The following LRRC28 variants were observed in gnomAD, a reference collection of about 807,000 sequenced individuals.
LRRC28 encodes leucine rich repeat containing 28.
LRRC28 carries 39 observed loss-of-function variants against 45.7 expected under a neutral mutation model. That is an observed-to-expected ratio of 0.85 (90% confidence interval 0.66 to 1.12). The LOEUF (loss-of-function observed/expected upper bound fraction) is 1.12, where lower values mean the gene tolerates loss of function less well. LRRC28 is among the 50% of genes most tolerant of loss of function. The pLI is 0.00. For missense variants in LRRC28, 435 were observed against 438.5 expected (o/e 0.99, Z 0.07); for synonymous variants, 206 against 178.8 (o/e 1.15, Z -1.22).
intron 6 of LRRC28, among the ~76,000 whole-genome samples, chr15:99,334,572 C>T (rs1485867102): frequency 3.3e-5 from 5 of 152,212 alleles, no homozygotes; most frequent in African/African-American, 1.2e-4. Context: ...GATTATAAAA[C>T]TTTAAAGACC....
chr15:99,319,951 C>T lies in LRRC28; in HGVS notation c.386-13972C>T, dbSNP rs1368545328. On this transcript the variant is annotated intron_variant, in intron 5 of 9. Coordinates refer to ENST00000301981, the MANE Select transcript of LRRC28 (RefSeq NM_144598.5). ...CCAAGTAGCTGGGACTACAGGTGGC[C>T]GCCACCACGCCCAGCTAATTTTTTT... Among the ~76,000 whole-genome samples, 16 of 151,874 alleles carry T rather than the reference C, an allele frequency of 1.1e-4. No individual in the cohort carries two copies. In the South Asian group the frequency reaches 1.2e-3, roughly 12 times the overall value.
At position 99,259,703 on chromosome 15, in the gene LRRC28, A is replaced by G. The variant is rs575591378; in HGVS notation, c.168+3578A>G. On this transcript the variant is annotated intron_variant, in intron 2 of 9. Transcript: ENST00000301981. ...TCCCAGACATCCGCTGATCAGAGAC[A>G]TGCTTCGACGAATTAAGGAAGATGA... 9.0e-5 allele frequency: 127 copies of G among 1,404,764 alleles called. 1 individual carries two copies. The South Asian group carries it at 1.2e-3, about 14-fold the overall frequency. 87.0% of individuals were successfully genotyped at this position (1,404,764 alleles called of 1,614,324 possible).
At position 99,271,353 on chromosome 15, in the gene LRRC28, A is replaced by G. The variant is rs548661174; in HGVS notation, c.169-5223A>G. ...GAGTGCAGTGGCACCATCTTGGCTC[A>G]CTGCAACCTCTGCCTCCTGGGTTCA... On this transcript the variant is annotated intron_variant, in intron 2 of 9. Coordinates refer to ENST00000301981, the MANE Select transcript of LRRC28 (RefSeq NM_144598.5). Among the ~76,000 whole-genome samples, 9 of 151,014 alleles carry G rather than the reference A, an allele frequency of 6.0e-5. No individual in the cohort carries two copies. In the South Asian group the frequency reaches 1.9e-3, roughly 32 times the overall value.
intron 9 of LRRC28, among the ~76,000 whole-genome samples, chr15:99,373,242 G>C (rs539439043): frequency 5.9e-5 from 9 of 152,072 alleles, no homozygotes; most frequent in African/African-American, 1.7e-4. Flanking sequence ...TTTCATCAGC[G>C]AATCCCCCAA....
chr15:99,364,752 G>T (rs2152328716), intron 9 of LRRC28, among the ~76,000 whole-genome samples: 1 of 152,312 alleles, frequency 6.6e-6, no homozygotes, highest in East Asian at 1.9e-4. Context: ...TAGGGTCATT[G>T]TGAGAATTAA....
rs576494967 is a variant in LRRC28 at position 99,296,990 on chromosome 15, T to C, written c.385+9039T>C. On this transcript the variant is annotated intron_variant, in intron 5 of 9. Transcript: ENST00000301981. ...AATCTAACAATCTGCCTCAGCTTGC[T>C]AGATGACCACTGAATAAATTATCTG... 1.6e-4 allele frequency among the ~76,000 whole-genome samples: 24 copies of C among 152,186 alleles called. 2 individuals are homozygous for C. The South Asian group carries it at 5.0e-3, about 32-fold the overall frequency.
chr15:99,370,667 T>A (rs912428807), intron 9 of LRRC28, among the ~76,000 whole-genome samples: 1 of 152,196 alleles, frequency 6.6e-6, no homozygotes, highest in African/African-American at 2.4e-5. Flanking sequence ...AAGGAAAGAT[T>A]GTTATGGCAA....
intron 6 of LRRC28, among the ~76,000 whole-genome samples, chr15:99,345,466 T>C (rs1177287781): frequency 2.0e-5 from 3 of 152,202 alleles, no homozygotes. Context: ...CTTTCATATA[T>C]GTTCTTTGGA....
chr15:99,360,602 T>C lies in LRRC28; in HGVS notation c.696-734T>C, dbSNP rs545266218. On this transcript the variant is annotated intron_variant, in intron 7 of 9. Transcript: ENST00000301981. The stretch of plus-strand genomic sequence containing the variant: ...TTGTATCTGGTCAAGGTTAGTGATA[T>C]TATTTCATGTTGTCTTCAGAGCCAA... Among the ~76,000 whole-genome samples, 4 of 152,356 alleles carry C rather than the reference T, an allele frequency of 2.6e-5. No homozygotes were observed. The East Asian group carries it at 5.8e-4, about 22-fold the overall frequency.
At position 99,386,817 on chromosome 15, in the gene LRRC28, G is replaced by T. The variant is rs1341563385; in HGVS notation, c.*715G>T. The stretch of plus-strand genomic sequence containing the variant: ...AAGTGTTTGCAGAAAAATGATTTTT[G>T]AAGTTTTTAAATTTCCTGATAAGAT... On this transcript the variant is annotated 3_prime_UTR_variant, in exon 10 of 10. Transcript: ENST00000301981. 6.6e-6 allele frequency: 1 copy of T among 152,092 alleles called. No homozygotes were observed. Among genetic ancestry groups the T allele is most frequent in the Non-Finnish European group, 1.5e-5 (1 of 68,012 alleles). The allele number at this position is 152,092 out of a possible 1,614,324, so 9.4% of individuals were successfully genotyped here. A position where few individuals can be genotyped will look rare whatever the true frequency, so the allele number is the denominator to read the frequency against.
At chr15:99,377,705 G>T (rs558460491) in intron 9 of LRRC28, among the ~76,000 whole-genome samples, 203 of 152,146 alleles carry the variant, frequency 1.3e-3, no homozygotes, top group Non-Finnish European at 2.1e-3. Context: ...AATCCATCTT[G>T]AATTAATTTT....
chr15:99,335,483 A>G (rs1956291556), intron 6 of LRRC28, among the ~76,000 whole-genome samples: 1 of 152,222 alleles, frequency 6.6e-6, no homozygotes, highest in African/African-American at 2.4e-5. Context: ...AGATTACCAT[A>G]TCTGACTTAA....
At chr15:99,371,626 A>T (rs1156891023) in intron 9 of LRRC28, among the ~76,000 whole-genome samples, 1 of 152,036 alleles carries the variant, frequency 6.6e-6, no homozygotes, top group African/African-American at 2.4e-5. Flanking sequence ...AAGTAATATC[A>T]GTCACACCAA....
chr15:99,252,688 T>A (rs1044870695), intron 1 of LRRC28, among the ~76,000 whole-genome samples: 4 of 152,254 alleles, frequency 2.6e-5, no homozygotes, highest in Admixed American at 6.5e-5. Flanking sequence ...GCTCTATCCG[T>A]GGTCTTGACA....
At chr15:99,291,226 G>C (rs2082114171) in intron 5 of LRRC28, among the ~76,000 whole-genome samples, 1 of 152,138 alleles carries the variant, frequency 6.6e-6, no homozygotes, top group South Asian at 2.1e-4. Flanking sequence ...GCATATACTT[G>C]TGATTTTATT....
At chr15:99,360,292 T>A (rs1597428802) in intron 7 of LRRC28, among the ~76,000 whole-genome samples, 1 of 152,092 alleles carries the variant, frequency 6.6e-6, no homozygotes, top group Admixed American at 6.6e-5. Context: ...TCCAGGTGAG[T>A]TGAACATTAA....
At chr15:99,292,928 T>A (rs923140938) in intron 5 of LRRC28, among the ~76,000 whole-genome samples, 2 of 152,154 alleles carry the variant, frequency 1.3e-5, no homozygotes, top group Non-Finnish European at 1.5e-5. Flanking sequence ...AGGGTGAGAG[T>A]GATGATCTCT....
chr15:99,328,816 G>C (rs1017330399), intron 5 of LRRC28, among the ~76,000 whole-genome samples: 2 of 151,192 alleles, frequency 1.3e-5, no homozygotes, highest in African/African-American at 2.4e-5. Flanking sequence ...TGGGCTCCAG[G>C]ATTTACACCA....
At chr15:99,333,033 A>G (rs535152641) in intron 5 of LRRC28, among the ~76,000 whole-genome samples, 1 of 152,332 alleles carries the variant, frequency 6.6e-6, no homozygotes, top group Admixed American at 6.5e-5. Context: ...ATGATGTGAA[A>G]GTAGGCTTGT....
Sources: allele counts gnomAD v4.1 joint callset (sites outside exome capture counted in the v4.1 genomes callset), GRCh38; gene constraint gnomAD v4.1.1; transcripts MANE v1.5; gene names NCBI Gene and HGNC (gene_info 2026-07-23, HGNC 2026-07-21).